Variants in TRRAP observed in about 807,000 individuals in gnomAD.
The protein encoded by TRRAP is transformation/transcription domain associated protein, also known as transformation/transcription domain-associated protein.
In TRRAP, 41 loss-of-function variants were observed where a neutral mutation model predicts 438.8. The ratio of observed to expected loss-of-function variants is 0.09; its 90% confidence interval spans 0.07 to 0.12. The LOEUF (loss-of-function observed/expected upper bound fraction) is 0.12. Among genes scored for constraint, TRRAP ranks in the 10% least tolerant of loss-of-function variants. The probability of loss-of-function intolerance (pLI) is 1.00; values close to 1 mark genes in which losing one functional copy is unlikely to be tolerated. For missense variants in TRRAP, 3,122 were observed against 5,055.1 expected (o/e 0.62, Z 11.60); for synonymous variants, 1,994 against 1,962.9 (o/e 1.02, Z -0.42).
Position 98,933,327 on chromosome 7 carries a change from G to A in TRRAP, c.3939G>A (p.Thr1313=), listed in dbSNP as rs782333285. The A allele has an allele frequency of 1.4e-5, 22 of 1,614,060 alleles. No homozygotes were observed. In the East Asian group the frequency reaches 2.9e-4, roughly 21 times the overall value. ...AGATTGGCCTGATGGAGGGGAACAC[G>A]TTCTGTACCACGTTGCAGCCCAGGC... ...NAQIGLMEGN[T]FCTTLQPRLF... Residue 1313 remains threonine (T), a synonymous_variant, in exon 27 of 73, where the codon ACG becomes ACA. Coordinates refer to ENST00000456197, the MANE Select transcript of TRRAP (RefSeq NM_001375524.1).
intron 19 of TRRAP, among the ~76,000 whole-genome samples, chr7:98,916,517 C>T (rs1182377887): frequency 1.3e-5 from 2 of 152,160 alleles, no homozygotes; most frequent in African/African-American, 4.8e-5. Flanking sequence ...CATGTATTTC[C>T]TTAACTTCCT....
At position 98,976,540 on chromosome 7, in the gene TRRAP, G is replaced by A; in HGVS notation, c.8017G>A (p.Asp2673Asn). The A allele has an allele frequency of 6.2e-7, 1 of 1,613,788 alleles. No homozygotes were observed. The highest frequency in any genetic ancestry group is 8.5e-7 in the Non-Finnish European group (1 of 1,180,036). Residue 2673 changes from aspartate (D) to asparagine (N), a missense_variant, in exon 55 of 73, where the codon GAC (aspartate) becomes AAC (asparagine). Around this residue, in one of 24 missense-constraint regions of TRRAP, gnomAD observed 992 missense variants for 1,281.2 expected, o/e 0.77. Transcript: ENST00000456197. The surrounding 1 kb of genome is among the most constrained non-coding windows in gnomAD (Gnocchi z 4.6). Reference protein sequence around the residue: ...LCSGSHQVQRDCQPSALNCFV... With the variant: ...LCSGSHQVQRNCQPSALNCFV... The stretch of plus-strand genomic sequence containing the variant: ...CAGCGGCAGTCACCAGGTGCAGCGG[G>A]ACTGCCAGCCCAGCGCGCTGAACTG...
intron 18 of TRRAP, 87 bp from the exon 19 acceptor site, chr7:98,915,636 G>T: frequency 1.3e-6 from 2 of 1,482,100 alleles, no homozygotes; most frequent in African/African-American, 1.4e-5. Flanking sequence ...TTCCATTGCT[G>T]TCGGATTACA....
At chr7:98,995,985 C>CA (rs1793638708) in intron 67 of TRRAP, among the ~76,000 whole-genome samples, 1 of 148,788 alleles carries the variant, frequency 6.7e-6, no homozygotes, top group African/African-American at 2.5e-5. Flanking sequence ...CTCATACCCC[C>CA]ATCCCATCCA....
chr7:98,970,348 C>G (rs1223159810), intron 52 of TRRAP, 57 bp downstream of exon 52: 1 of 1,578,548 alleles, frequency 6.3e-7, no homozygotes, highest in East Asian at 2.3e-5. Context: ...CCCCACACCC[C>G]ACGGGCAGAA....
At position 98,961,464 on chromosome 7, in the gene TRRAP, A is replaced by T. The variant is rs748972562; in HGVS notation, c.6693A>T (p.Pro2231=). The T allele has an allele frequency of 6.2e-7, 1 of 1,614,124 alleles. No individual in the cohort carries two copies. The highest frequency in any genetic ancestry group is 1.1e-5 in the South Asian group (1 of 91,086). Residue 2231 remains proline, a synonymous_variant, in exon 46 of 73, where the codon CCA becomes CCT. Coordinates refer to ENST00000456197, the MANE Select transcript of TRRAP (RefSeq NM_001375524.1). ...SLLSRLMSIF[P]TEPSTSSVAS... ...TCTCGCGCCTGATGAGCATTTTCCC[A>T]ACAGAGCCGAGTATGTGACCTTTCC...
At chr7:98,899,525 T>G (rs782141695) in intron 9 of TRRAP, 26 bp downstream of exon 9, 4 of 1,612,934 alleles carry the variant, frequency 2.5e-6, no homozygotes, top group Non-Finnish European at 3.4e-6. Context: ...ATTAGTCTCT[T>G]GGGTTTTGGG....
Position 98,950,090 on chromosome 7 carries a change from T to A in TRRAP, c.5162T>A (p.Leu1721Gln). The A allele has an allele frequency of 6.2e-7, 1 of 1,614,262 alleles. No homozygotes were observed. Among genetic ancestry groups the A allele is most frequent in the Non-Finnish European group, 8.5e-7 (1 of 1,180,046 alleles). Residue 1721 changes from leucine to glutamine, a missense_variant, in exon 38 of 73, where the codon CTG (leucine) becomes CAG (glutamine). Leu to Gln is a moderately radical substitution (Grantham distance 113). Transcript: ENST00000456197. ...AGGAATTACGGAGATATAGAATTGC[T>A]GTTCCAGCTGCTCCGAGCCTTTACT... ...CKRNYGDIEL[L>Q]FQLLRAFTGR...
At chr7:98,999,350 CAG>C in intron 67 of TRRAP, 1 of 1,410,380 alleles carries the variant, frequency 7.1e-7, no homozygotes, top group Non-Finnish European at 1.0e-6. Context: ...TCAGACTTGA[CAG>C]TGATTCCACA....
intron 11 of TRRAP, 48 bp downstream of exon 11, chr7:98,900,768 C>T: frequency 6.6e-7 from 1 of 1,508,774 alleles, no homozygotes; most frequent in East Asian, 2.3e-5. Flanking sequence ...AGTTTACATA[C>T]AATAAAATTC....
intron 23 of TRRAP, 87 bp downstream of exon 23, chr7:98,927,453 C>A: frequency 1.4e-6 from 2 of 1,473,778 alleles, no homozygotes; most frequent in Non-Finnish European, 1.8e-6. Flanking sequence ...TTTTGTTGTT[C>A]TAGAAAAAGC....
At position 98,971,931 on chromosome 7, in the gene TRRAP, C is replaced by G; in HGVS notation, c.7825C>G (p.Leu2609Val). The change falls in exon 53 of 73, where the codon CTC (leucine) becomes GTC (valine). Residue 2609 changes from leucine to valine, a missense_variant. Around this residue, in one of 24 missense-constraint regions of TRRAP, gnomAD observed 992 missense variants for 1,281.2 expected, o/e 0.77. Transcript: ENST00000456197. ...CAGGCACGACAAGTTTCTGGACACT[C>G]TCCGAGAGGTGAAGGTCTGTACGCA... is the stretch of plus-strand genomic sequence containing the variant. Reference protein sequence around the residue: ...TNRHDKFLDTLREVKTGALLS... With the variant: ...TNRHDKFLDTVREVKTGALLS... 6.2e-7 allele frequency: 1 copy of G among 1,614,200 alleles called. No homozygotes were observed. Among genetic ancestry groups the G allele is most frequent in the Non-Finnish European group, 8.5e-7 (1 of 1,180,008 alleles).
rs765247846 is a variant in TRRAP, at chr7:98,961,403, G to C, written c.6632G>C (p.Gly2211Ala). 1.9e-6 allele frequency: 3 copies of C among 1,614,218 alleles called. No individual in the cohort carries two copies. The South Asian group carries it at 3.3e-5, about 18-fold the overall frequency. The stretch of plus-strand genomic sequence containing the variant: ...GGAATTGCCGCCTGCATGACATGTG[G>C]AAACACCAAGGTGTTGCGAGCCGTC... ...QRGIAACMTC[G>A]NTKVLRAVHS... The change falls in exon 46 of 73, where the codon GGA (glycine) becomes GCA (alanine). Residue 2211 changes from glycine (G) to alanine (A), a missense_variant. Physicochemically the swap from Gly to Ala is moderately conservative, Grantham distance 60. Transcript: ENST00000456197.
intron 18 of TRRAP, among the ~76,000 whole-genome samples, chr7:98,915,346 C>T (rs1789472211): frequency 6.6e-6 from 1 of 152,042 alleles, no homozygotes; most frequent in African/African-American, 2.4e-5. Context: ...GCGTGTGCCA[C>T]CACAGCTGGC....
chr7:98,908,082 C>T lies in TRRAP; in HGVS notation c.1116-646C>T, dbSNP rs1240145704. Among the ~76,000 whole-genome samples, 2 of 152,210 alleles carry T rather than the reference C, an allele frequency of 1.3e-5. No homozygotes were observed. The highest frequency in any genetic ancestry group is 2.9e-5 in the Non-Finnish European group (2 of 68,038). ...CCTTAAGATCTCAACTTCAGTGCCA[C>T]CTCAAAGGAACTGTCCCTGGAACCC... On this transcript the variant is annotated intron_variant, in intron 13 of 72. Coordinates refer to ENST00000456197, the MANE Select transcript of TRRAP (RefSeq NM_001375524.1). The surrounding 1 kb of genome is among the most constrained non-coding windows in gnomAD (Gnocchi z 4.1).
intron 8 of TRRAP, 83 bp downstream of exon 8, chr7:98,897,949 A>G: frequency 1.9e-6 from 3 of 1,590,548 alleles, no homozygotes; most frequent in Non-Finnish European, 2.6e-6. Flanking sequence ...TTTTCTCTTA[A>G]ATACTTGGAG....
In TRRAP at chr7:98,937,688, C is replaced by T. The variant is rs1402489399; in HGVS notation, c.4272C>T (p.His1424=). The T allele has an allele frequency of 6.2e-7, 1 of 1,613,098 alleles. No homozygotes were observed. Among genetic ancestry groups the T allele is most frequent in the Non-Finnish European group, 8.5e-7 (1 of 1,179,678 alleles). ...EGATIEVDQI[H]THMRPLLMML... ...CTACCATAGAAGTCGATCAAATCCACACACATATGCGACCTTTGCTGATGA... is the reference window on the plus strand; with the variant it reads ...CTACCATAGAAGTCGATCAAATCCATACACATATGCGACCTTTGCTGATGA... Residue 1424 remains histidine, a synonymous_variant, in exon 30 of 73, where the codon CAC becomes CAT. Coordinates refer to ENST00000456197, the MANE Select transcript of TRRAP (RefSeq NM_001375524.1).
intron 30 of TRRAP, among the ~76,000 whole-genome samples, chr7:98,941,408 T>G (rs971818830): frequency 6.6e-6 from 1 of 152,178 alleles, no homozygotes; most frequent in Non-Finnish European, 1.5e-5. Flanking sequence ...ACTTCTGACC[T>G]CAGTTGATCT....
chr7:98,970,732 A>G (rs1270016770), intron 52 of TRRAP, among the ~76,000 whole-genome samples: 2 of 152,098 alleles, frequency 1.3e-5, no homozygotes, highest in Non-Finnish European at 2.9e-5. Context: ...TCCTGGTGAG[A>G]AAAGCCCGTG....
Sources: allele counts gnomAD v4.1 joint callset (sites outside exome capture counted in the v4.1 genomes callset), GRCh38; gene constraint gnomAD v4.1.1; regional missense constraint gnomAD v4.1.1; non-coding constraint Gnocchi (gnomAD v3.1); transcripts MANE v1.5; gene names NCBI Gene and HGNC (gene_info 2026-07-23, HGNC 2026-07-21).